The following ALDH1L2 variants were observed in gnomAD, a reference collection of about 807,000 sequenced individuals.
ALDH1L2 encodes aldehyde dehydrogenase 1 family member L2.
In ALDH1L2, 91 loss-of-function variants were observed where a neutral mutation model predicts 111.0. The ratio of observed to expected loss-of-function variants is 0.82; its 90% CI spans 0.69 to 0.98. The LOEUF (loss-of-function observed/expected upper bound fraction) is 0.98, where lower values mean the gene tolerates loss of function less well. Ranked by LOEUF, ALDH1L2 falls within the 50% of genes least tolerant of loss-of-function variation. The pLI, the probability that ALDH1L2 is intolerant of heterozygous loss-of-function variation, is 0.00. For synonymous variants in ALDH1L2, 374 were observed against 392.6 expected (o/e 0.95, Z 0.56); for missense variants, 995 against 1,126.8 (o/e 0.88, Z 1.67).
rs567585478 is a variant in ALDH1L2, at chr12:105,062,089, G to A, written c.922-337C>T. Among the ~76,000 whole-genome samples the A allele has an allele frequency of 2.6e-5, 4 of 152,312 alleles. No homozygotes were observed. The South Asian group carries it at 8.3e-4, about 32-fold the overall frequency. On this transcript the variant is annotated intron_variant, in intron 7 of 22. Coordinates refer to ENST00000258494, the MANE Select transcript of ALDH1L2 (RefSeq NM_001034173.4). The stretch of plus-strand genomic sequence containing the variant: ...CTGCAACTCTGCAGCTGCTGCCTCT[G>A]AGCACTTGCCCTGTACCATGCTCAA...
At chr12:105,061,414 A>G (rs557249900) in intron 8 of ALDH1L2, among the ~76,000 whole-genome samples, 3 of 152,270 alleles carry the variant, frequency 2.0e-5, no homozygotes, top group African/African-American at 7.2e-5. Flanking sequence ...CCCCGTGCCA[A>G]CCTGGAACTG....
intron 22 of ALDH1L2, among the ~76,000 whole-genome samples, chr12:105,025,430 A>G (rs904917420): frequency 2.6e-5 from 4 of 152,176 alleles, no homozygotes; most frequent in African/African-American, 4.8e-5. Flanking sequence ...GGTCAAATAC[A>G]CTCTCTCAAA....
At chr12:105,041,671 A>G (rs766565577) in intron 15 of ALDH1L2, among the ~76,000 whole-genome samples, 1 of 152,144 alleles carries the variant, frequency 6.6e-6, no homozygotes. Context: ...CATTCCTTTT[A>G]CGTGTAGTAG....
intron 9 of ALDH1L2, among the ~76,000 whole-genome samples, chr12:105,059,149 C>T (rs1268346287): frequency 6.6e-6 from 1 of 151,946 alleles, no homozygotes; most frequent in Non-Finnish European, 1.5e-5. Context: ...TGCTTATAAT[C>T]CCAGCTACTT....
intron 21 of ALDH1L2, among the ~76,000 whole-genome samples, chr12:105,029,878 G>A (rs1405539412): frequency 6.6e-6 from 1 of 152,094 alleles, no homozygotes; most frequent in African/African-American, 2.4e-5. Flanking sequence ...ATTTACAGTT[G>A]ATTATATGAT....
rs1350404361 is a variant in ALDH1L2 at position 105,065,266 on chromosome 12, C to T, written c.786+1G>A. On this transcript the variant is annotated splice_donor_variant, in intron 6 of 22. Transcript: ENST00000258494. LOFTEE classifies it high-confidence loss of function. ...TGGGGGGAGTGGTCCCTAAAACATA[C>T]CTGTCCATTTATCTCTGTCCAAGCT... The T allele has an allele frequency of 1.2e-6, 2 of 1,600,524 alleles. No homozygotes were observed. Among genetic ancestry groups the T allele is most frequent in the East Asian group, 2.3e-5 (1 of 44,106 alleles).
intron 15 of ALDH1L2, among the ~76,000 whole-genome samples, chr12:105,041,755 G>A (rs1485291608): frequency 6.6e-6 from 1 of 152,138 alleles, no homozygotes; most frequent in Non-Finnish European, 1.5e-5. Flanking sequence ...GATTCTTACT[G>A]TAATCAGCAG....
At chr12:105,084,267 G>T in intron 1 of ALDH1L2, 122 bp downstream of exon 1, 3 of 1,119,126 alleles carry the variant, frequency 2.7e-6, no homozygotes, top group Non-Finnish European at 3.6e-6. Context: ...ACGCTGTCTT[G>T]GTGTTTAGCA....
At chr12:105,039,683 T>C (rs370140921) in intron 17 of ALDH1L2, 30 bp downstream of exon 17, 21 of 1,588,444 alleles carry the variant, frequency 1.3e-5, no homozygotes, top group Middle Eastern at 3.3e-4. Flanking sequence ...TAACAGGATC[T>C]GCAGTGAATC....
At chr12:105,053,687 T>C (rs1035905870) in intron 10 of ALDH1L2, among the ~76,000 whole-genome samples, 29 of 152,160 alleles carry the variant, frequency 1.9e-4, no homozygotes, top group Non-Finnish European at 7.4e-5. Context: ...GCTATTTCCA[T>C]TGTGTTTATG....
chr12:105,046,217 ATATATTTTTTTTTT>A (rs1875890593), intron 15 of ALDH1L2, among the ~76,000 whole-genome samples: 28 of 32,726 alleles, frequency 8.6e-4, no homozygotes, highest in African/African-American at 3.9e-3. Flanking sequence ...ATATATATAT[ATATATTTTTTTTTT>A]TTTTTTTTTT....
chr12:105,064,202 C>T (rs11112355), intron 6 of ALDH1L2, among the ~76,000 whole-genome samples: 30,780 of 139,394 alleles, frequency 0.22, 3,677 homozygotes, highest in African/African-American at 0.34. Context: ...AGGCTGATCT[C>T]GAACTCCTGA....
At position 105,065,344 on chromosome 12, in the gene ALDH1L2, G is replaced by A; in HGVS notation, c.709C>T (p.Gln237Ter). The change falls in exon 6 of 23, where the codon CAG becomes TAG. Residue 237 changes from glutamine to a stop codon, truncating the protein, a stop_gained. Coordinates refer to ENST00000258494, the MANE Select transcript of ALDH1L2 (RefSeq NM_001034173.4). LOFTEE classifies it high-confidence loss of function. Reference protein sequence around the residue: ...KKENAEISWDQSAEVLHNWIR... With the variant: ...KKENAEISWD The stretch of plus-strand genomic sequence containing the variant: ...CAGTTATGTAAAACTTCGGCAGACT[G>A]GTCCCAAGAAATCTAGGAAGGCACA... 3 of 1,612,096 alleles carry A rather than the reference G, an allele frequency of 1.9e-6. No individual in the cohort carries two copies. The highest frequency in any genetic ancestry group is 2.5e-6 in the Non-Finnish European group (3 of 1,178,522).
chr12:105,024,558 A>G (rs879548511), intron 22 of ALDH1L2, 79 bp from the exon 23 acceptor site: 39 of 1,396,948 alleles, frequency 2.8e-5, no homozygotes, highest in Non-Finnish European at 2.7e-5. Context: ...ACATAGGTAT[A>G]CGTAGGTGTC....
At position 105,051,367 on chromosome 12, in the gene ALDH1L2, G is replaced by A. The variant is rs532175699; in HGVS notation, c.1535+723C>T. 7.9e-5 allele frequency among the ~76,000 whole-genome samples: 12 copies of A among 152,234 alleles called. No homozygotes were observed. The South Asian group carries it at 2.1e-3, about 26-fold the overall frequency. Reference sequence around the variant, plus strand: ...GGGAGTTGGATTCCCTGGCTCCCTCGCTGATAGGCTGTGGTTCAGAAGCTG... The same window carrying A: ...GGGAGTTGGATTCCCTGGCTCCCTCACTGATAGGCTGTGGTTCAGAAGCTG... On this transcript the variant is annotated intron_variant, in intron 12 of 22. Coordinates refer to ENST00000258494, the MANE Select transcript of ALDH1L2 (RefSeq NM_001034173.4).
intron 2 of ALDH1L2, among the ~76,000 whole-genome samples, chr12:105,071,340 A>C (rs545741803): frequency 2.0e-5 from 3 of 152,098 alleles, no homozygotes; most frequent in Admixed American, 2.0e-4. Flanking sequence ...CCAAACAAAT[A>C]AATTAACAAA....
At chr12:105,057,545 G>A (rs1876708867) in intron 10 of ALDH1L2, among the ~76,000 whole-genome samples, 1 of 152,048 alleles carries the variant, frequency 6.6e-6, no homozygotes, top group Non-Finnish European at 1.5e-5. Flanking sequence ...ACAAACTGTG[G>A]TATACTTATA....
chr12:105,065,192 C>A, intron 6 of ALDH1L2, 75 bp downstream of exon 6: 1 of 1,084,550 alleles, frequency 9.2e-7, no homozygotes, highest in Non-Finnish European at 1.4e-6. Context: ...ATGGGAAGCC[C>A]AGATTTATCT....
In ALDH1L2 at chr12:105,062,994, A is replaced by T; in HGVS notation, c.815T>A (p.Leu272Gln). Residue 272 changes from leucine to glutamine, a missense_variant, in exon 7 of 23, where the codon CTG (leucine) becomes CAG (glutamine). Transcript: ENST00000258494. ...QMVTFYGSTL[L>Q]NSSVPPGEPL... is the part of the protein sequence containing the mutation. Reference sequence around the variant, plus strand: ...TTCTCCAGGAGGCACAGAGCTATTCAGTAATGTCGAGCCATAGAAAGTGAC... The same window carrying T: ...TTCTCCAGGAGGCACAGAGCTATTCTGTAATGTCGAGCCATAGAAAGTGAC... 1 of 1,613,812 alleles carries T rather than the reference A, an allele frequency of 6.2e-7. No individual in the cohort carries two copies. The highest frequency in any genetic ancestry group is 8.5e-7 in the Non-Finnish European group (1 of 1,179,892).
Sources: allele counts gnomAD v4.1 joint callset (sites outside exome capture counted in the v4.1 genomes callset), GRCh38; gene constraint gnomAD v4.1.1; transcripts MANE v1.5; gene names NCBI Gene and HGNC (gene_info 2026-07-23, HGNC 2026-07-21).